Variants in IL1RAPL2 observed in about 807,000 individuals in gnomAD.
The protein encoded by IL1RAPL2 is X-linked interleukin-1 receptor accessory protein-like 2.
In IL1RAPL2, 3 loss-of-function variants were observed where a neutral mutation model predicts 44.1. The observed-to-expected ratio is 0.07, with a 90% CI of 0.03 to 0.18. The LOEUF (loss-of-function observed/expected upper bound fraction) is 0.18, where lower values mean the gene tolerates loss of function less well. IL1RAPL2 is among the 10% of genes least tolerant of loss of function. IL1RAPL2 has a pLI of 1.00. For synonymous variants in IL1RAPL2, 181 were observed against 178.8 expected (o/e 1.01, Z -0.10); for missense variants, 391 against 496.4 (o/e 0.79, Z 2.02).
At chrX:104,999,959 T>A in intron 2 of IL1RAPL2, among the ~76,000 whole-genome samples, 1 of 89,530 alleles carries the variant, frequency 1.1e-5, no homozygotes, top group African/African-American at 8.5e-5. Context: ...TAACATTTCT[T>A]TTTTTTTTTC....
chrX:105,484,377 T>C lies in IL1RAPL2; in HGVS notation c.762T>C (p.Asp254=). 1 of 1,195,388 alleles carries C rather than the reference T, an allele frequency of 8.4e-7. No individual in the cohort carries two copies. Among genetic ancestry groups the C allele is most frequent in the South Asian group, 1.8e-5 (1 of 56,492 alleles). The change falls in exon 6 of 11, where the codon GAT becomes GAC. Residue 254 remains aspartate (D), a synonymous_variant. Coordinates refer to ENST00000372582, the MANE Select transcript of IL1RAPL2 (RefSeq NM_017416.2). ...FPMENQPSVI[D]VQLGKPLNIP... ...TGGAGAATCAGCCAAGTGTTATAGA[T>C]GTCCAGCTGGGTAAGTCCCCTCCTT...
intron 5 of IL1RAPL2, among the ~76,000 whole-genome samples, chrX:105,335,482 T>C: frequency 9.0e-6 from 1 of 111,065 alleles, no homozygotes; most frequent in Middle Eastern, 4.7e-3. Flanking sequence ...GCCACAATAT[T>C]GCTTTAGCTC....
chrX:105,099,358 G>C (rs2032641755), intron 2 of IL1RAPL2, among the ~76,000 whole-genome samples: 1 of 110,199 alleles, frequency 9.1e-6, no homozygotes, highest in South Asian at 3.9e-4. Context: ...CTTCTAATGA[G>C]GGTCTCAGGA....
Position 105,767,648 on chromosome X carries a change from G to A in IL1RAPL2, c.2048G>A (p.Ser683Asn). 13 of 1,193,566 alleles carry A rather than the reference G, an allele frequency of 1.1e-5. No homozygotes were observed. The highest frequency in any genetic ancestry group is 1.5e-5 in the Non-Finnish European group (13 of 880,452). ...PLSSKELSFT[S>N]DIW ...TCCTCCAAAGAGCTTAGCTTTACCA[G>A]TGATATTTGGTAGTGAAAAATCTGA... The change falls in exon 11 of 11, where the codon AGT becomes AAT. Residue 683 changes from serine (S) to asparagine (N), a missense_variant. Ser to Asn is a conservative substitution (Grantham distance 46). Coordinates refer to ENST00000372582, the MANE Select transcript of IL1RAPL2 (RefSeq NM_017416.2).
At chrX:105,609,956 A>G (rs1298828633) in intron 6 of IL1RAPL2, among the ~76,000 whole-genome samples, 2 of 112,022 alleles carry the variant, frequency 1.8e-5, no homozygotes, top group Non-Finnish European at 3.8e-5. Flanking sequence ...TTGCCTTATG[A>G]TGTTTTCTTT....
At chrX:105,337,891 A>T (rs1014380490) in intron 5 of IL1RAPL2, among the ~76,000 whole-genome samples, 1 of 82,786 alleles carries the variant, frequency 1.2e-5, no homozygotes, top group Non-Finnish European at 2.0e-5. Flanking sequence ...ACTCCATCTC[A>T]CACACACACA....
chrX:105,518,819 A>G (rs2147788601), intron 6 of IL1RAPL2, among the ~76,000 whole-genome samples: 1 of 111,506 alleles, frequency 9.0e-6, no homozygotes, highest in South Asian at 3.7e-4. Context: ...CCCTATGATA[A>G]CATCATCCAC....
At chrX:105,760,356 C>T (rs1346891832) in intron 10 of IL1RAPL2, among the ~76,000 whole-genome samples, 13 of 112,049 alleles carry the variant, frequency 1.2e-4, no homozygotes, top group Non-Finnish European at 1.7e-4. Flanking sequence ...ATTAAGGCTG[C>T]ACCAGTGAGA....
intron 3 of IL1RAPL2, among the ~76,000 whole-genome samples, chrX:105,204,713 A>G (rs782582994): frequency 1.2e-4 from 13 of 111,713 alleles, no homozygotes; most frequent in Non-Finnish European, 7.5e-5. Flanking sequence ...CTGGAGCTGG[A>G]CTGCTTGGAG....
chrX:104,747,081 G>A (rs1244937829), intron 2 of IL1RAPL2, among the ~76,000 whole-genome samples: 1 of 111,272 alleles, frequency 9.0e-6, no homozygotes, highest in Non-Finnish European at 1.9e-5. Flanking sequence ...CCAGACTAGT[G>A]TACTTATCCT....
In IL1RAPL2 at chrX:105,447,368, TAAATATATAAATATATAAATA is replaced by T. The variant is rs2035973030; in HGVS notation, c.698-36944_698-36924del. Reference sequence around the variant, plus strand: ...ATATAAATATATAAATATATAAATATAAATATATAAATATATAAATATAAATATATAAATATATAAATATAA... The same window carrying T: ...ATATAAATATATAAATATATAAATATTAAATATATAAATATATAAATATAA... On this transcript the variant is annotated intron_variant, in intron 5 of 10. Coordinates refer to ENST00000372582, the MANE Select transcript of IL1RAPL2 (RefSeq NM_017416.2). Among the ~76,000 whole-genome samples, 297 of 67,307 alleles carry T rather than the reference TAAATATATAAATATATAAATA, an allele frequency of 4.4e-3. 3 individuals are homozygous for T. The highest frequency in any genetic ancestry group is 0.017 in the African/African-American group (275 of 15,844). The allele number at this position is 67,307 out of a possible 115,157, so 58.4% of individuals were successfully genotyped here.
intron 2 of IL1RAPL2, among the ~76,000 whole-genome samples, chrX:104,896,322 G>T (rs1923645445): frequency 9.0e-6 from 1 of 111,685 alleles, no homozygotes; most frequent in Non-Finnish European, 1.9e-5. Context: ...AACAACTTCT[G>T]CCAAGGACCC....
intron 5 of IL1RAPL2, among the ~76,000 whole-genome samples, chrX:105,480,307 G>T (rs1276305590): frequency 1.8e-5 from 2 of 112,043 alleles, no homozygotes; most frequent in Non-Finnish European, 3.8e-5. Flanking sequence ...TCATGGAAAA[G>T]AACAAGTTAT....
At chrX:105,235,229 A>G (rs981190982) in intron 4 of IL1RAPL2, among the ~76,000 whole-genome samples, 4 of 111,743 alleles carry the variant, frequency 3.6e-5, no homozygotes, top group Admixed American at 9.5e-5. Flanking sequence ...AGAAGCAGAT[A>G]ATAACCACAC....
intron 2 of IL1RAPL2, among the ~76,000 whole-genome samples, chrX:105,143,945 A>T (rs1025590021): frequency 5.4e-5 from 6 of 110,201 alleles, no homozygotes; most frequent in Admixed American, 9.7e-5. Flanking sequence ...TATATGGAAC[A>T]AACCTGCATG....
chrX:104,896,740 T>C (rs1308485376), intron 2 of IL1RAPL2, among the ~76,000 whole-genome samples: 6 of 111,278 alleles, frequency 5.4e-5, no homozygotes, highest in Non-Finnish European at 1.1e-4. Context: ...TGTGGAAGCT[T>C]TGTTCTTTTG....
At chrX:104,599,293 G>A (rs1928827030) in intron 1 of IL1RAPL2, among the ~76,000 whole-genome samples, 2 of 111,349 alleles carry the variant, frequency 1.8e-5, no homozygotes, top group African/African-American at 6.5e-5. Context: ...GGTTACCCAG[G>A]CTGAAGTGCA....
chrX:104,626,815 T>A (rs976257987), intron 1 of IL1RAPL2, among the ~76,000 whole-genome samples: 1 of 100,809 alleles, frequency 9.9e-6, no homozygotes. Context: ...TGTAGTGTTT[T>A]GTAGATAACT....
chrX:104,872,330 T>C (rs1283410214), intron 2 of IL1RAPL2, among the ~76,000 whole-genome samples: 3 of 111,794 alleles, frequency 2.7e-5, no homozygotes, highest in Middle Eastern at 4.6e-3. Context: ...CTGAAAGTCA[T>C]ACAATTTGGA....
Sources: gnomAD v4.1 joint callset for allele counts (sites outside exome capture counted in the v4.1 genomes callset) on GRCh38, gnomAD v4.1.1 for gene constraint, MANE v1.5 for transcripts, NCBI Gene and HGNC (gene_info 2026-07-23, HGNC 2026-07-21) for gene names.